The following KCNQ5 variants were observed in gnomAD, a reference collection of about 807,000 sequenced individuals.
KCNQ5 encodes the protein potassium voltage-gated channel subfamily KQT member 5.
Under a neutral mutation model 98.2 loss-of-function variants are expected in KCNQ5, and 30 were observed. That is an observed-to-expected ratio of 0.31 (90% CI 0.23 to 0.41). The LOEUF is 0.41. Among genes scored for constraint, KCNQ5 ranks in the 10% least tolerant of loss-of-function variants. KCNQ5 has a pLI of 1.00. For missense variants in KCNQ5, 835 were observed against 1,182.5 expected (o/e 0.71, Z 4.31); for synonymous variants, 458 against 449.4 (o/e 1.02, Z -0.24).
rs546496353 is a variant in KCNQ5, at chr6:73,013,446, T to C, written c.489+9448T>C. On this transcript the variant is annotated intron_variant, in intron 2 of 13. Transcript: ENST00000370398. ...TCAAGAACGTGTATGAAACTGTGTGTCCACATTCCAGGGACAGTTAAAAGC... is the reference window on the plus strand; with the variant it reads ...TCAAGAACGTGTATGAAACTGTGTGCCCACATTCCAGGGACAGTTAAAAGC... Among the ~76,000 whole-genome samples the C allele has an allele frequency of 3.9e-5, 6 of 152,256 alleles. No homozygotes were observed. The East Asian group carries it at 1.2e-3, about 29-fold the overall frequency.
chr6:73,024,808 A>ATCC (rs1232938707), intron 2 of KCNQ5, among the ~76,000 whole-genome samples: 2 of 152,250 alleles, frequency 1.3e-5, no homozygotes, highest in African/African-American at 4.8e-5. Context: ...ACGACATTCA[A>ATCC]GTTGTATGAA....
At chr6:73,174,491 T>C (rs1778140197) in intron 11 of KCNQ5, among the ~76,000 whole-genome samples, 1 of 152,244 alleles carries the variant, frequency 6.6e-6, no homozygotes, top group South Asian at 2.1e-4. Context: ...TTTCACTTTA[T>C]GAAACCTTTT....
chr6:72,765,338 G>C (rs1400667710), intron 1 of KCNQ5, among the ~76,000 whole-genome samples: 1 of 151,896 alleles, frequency 6.6e-6, no homozygotes, highest in Non-Finnish European at 1.5e-5. Flanking sequence ...GGAGGGAGAA[G>C]AAATACAAGC....
At chr6:72,948,648 C>G (rs923974662) in intron 1 of KCNQ5, among the ~76,000 whole-genome samples, 1 of 151,820 alleles carries the variant, frequency 6.6e-6, no homozygotes, top group Non-Finnish European at 1.5e-5. Context: ...AAAAATTTTC[C>G]TTAAGTTATT....
chr6:72,811,103 G>A (rs1302878741), intron 1 of KCNQ5, among the ~76,000 whole-genome samples: 4 of 152,214 alleles, frequency 2.6e-5, no homozygotes, highest in African/African-American at 9.6e-5. Flanking sequence ...TCGCCTGGTG[G>A]CTCCAAAATG....
Position 73,086,081 on chromosome 6 carries a change from C to A in KCNQ5, c.918+8194C>A, listed in dbSNP as rs115664946. On this transcript the variant is annotated intron_variant, in intron 5 of 13. Transcript: ENST00000370398. ...TCTCAAGGAATTCTTTTGAGAATTC[C>A]ATATTAATACTGCTGATGACATTAG... Among the ~76,000 whole-genome samples the A allele has an allele frequency of 6.2e-3, 947 of 152,106 alleles. 5 individuals carry two copies. Among genetic ancestry groups the A allele is most frequent in the African/African-American group, 0.021 (884 of 41,506 alleles).
At chr6:72,631,159 A>G (rs1421125568) in intron 1 of KCNQ5, among the ~76,000 whole-genome samples, 4 of 152,218 alleles carry the variant, frequency 2.6e-5, no homozygotes, top group Non-Finnish European at 4.4e-5. Context: ...ACTGAAATCA[A>G]TAGAGGTGGA....
intron 1 of KCNQ5, among the ~76,000 whole-genome samples, chr6:72,827,964 A>G (rs1582368938): frequency 6.6e-6 from 1 of 152,142 alleles, no homozygotes; most frequent in South Asian, 2.1e-4. Context: ...CAGTTTTCCC[A>G]GCAGCATTTA....
At chr6:72,778,278 T>C (rs1773264305) in intron 1 of KCNQ5, among the ~76,000 whole-genome samples, 1 of 152,216 alleles carries the variant, frequency 6.6e-6, no homozygotes, top group Non-Finnish European at 1.5e-5. Context: ...GGCTCACGCC[T>C]CTAATCCCAG....
chr6:73,059,728 G>T (rs540100447), intron 3 of KCNQ5, among the ~76,000 whole-genome samples: 1 of 151,780 alleles, frequency 6.6e-6, no homozygotes, highest in Non-Finnish European at 1.5e-5. Flanking sequence ...AGAAGTTAAC[G>T]AAATGTATAT....
intron 1 of KCNQ5, among the ~76,000 whole-genome samples, chr6:72,735,209 A>T (rs1203718433): frequency 6.6e-6 from 1 of 152,220 alleles, no homozygotes. Flanking sequence ...ATTTAAGCTT[A>T]AAACTAGCAG....
chr6:72,974,355 T>C (rs1429066384), intron 1 of KCNQ5, among the ~76,000 whole-genome samples: 2 of 148,352 alleles, frequency 1.3e-5, no homozygotes, highest in African/African-American at 5.1e-5. Context: ...TCTCTTCCCT[T>C]CCTCTCCTAC....
At chr6:73,029,109 G>T (rs866393513) in intron 2 of KCNQ5, among the ~76,000 whole-genome samples, 1 of 152,190 alleles carries the variant, frequency 6.6e-6, no homozygotes, top group Non-Finnish European at 1.5e-5. Flanking sequence ...TTGATGATGT[G>T]AGCAGAGGTG....
rs569473946 is a variant in KCNQ5 at position 73,127,419 on chromosome 6, T to C, written c.1247+2907T>C. Among the ~76,000 whole-genome samples the C allele has an allele frequency of 5.9e-5, 9 of 152,332 alleles. No homozygotes were observed. The South Asian group carries it at 1.9e-3, about 32-fold the overall frequency. ...GAGCTTGGAATCTCCTAAGTCCTTC[T>C]TCATGGTTTTTCTTTGTGTTACAAA... On this transcript the variant is annotated intron_variant, in intron 9 of 13. Coordinates refer to ENST00000370398, the MANE Select transcript of KCNQ5 (RefSeq NM_019842.4).
chr6:72,723,927 T>C (rs1448968367), intron 1 of KCNQ5, among the ~76,000 whole-genome samples: 1 of 152,228 alleles, frequency 6.6e-6, no homozygotes, highest in Non-Finnish European at 1.5e-5. Flanking sequence ...TGAGCTACTA[T>C]GCTAAAAGTA....
intron 1 of KCNQ5, among the ~76,000 whole-genome samples, chr6:72,931,659 T>G (rs191386988): frequency 6.6e-6 from 1 of 152,160 alleles, no homozygotes; most frequent in South Asian, 2.1e-4. Flanking sequence ...AACTAGTGGC[T>G]CCAGGCACCT....
At chr6:73,025,623 C>CAAAAAAAAAAAAAAA (rs58607159) in intron 2 of KCNQ5, among the ~76,000 whole-genome samples, 81 of 52,984 alleles carry the variant, frequency 1.5e-3, no homozygotes, top group Middle Eastern at 9.6e-3. Flanking sequence ...AACTCCATCT[C>CAAAAAAAAAAAAAAA]AAAAAAAAAA....
intron 2 of KCNQ5, among the ~76,000 whole-genome samples, chr6:73,015,164 G>A (rs1770267633): frequency 6.6e-6 from 1 of 152,088 alleles, no homozygotes; most frequent in Admixed American, 6.6e-5. Flanking sequence ...AATGAGCAAT[G>A]CTTCTTTAGA....
chr6:72,879,735 A>T (rs1211419764), intron 1 of KCNQ5, among the ~76,000 whole-genome samples: 2 of 152,106 alleles, frequency 1.3e-5, no homozygotes, highest in Non-Finnish European at 2.9e-5. Context: ...TCAGGTCTTT[A>T]AATCATTTGG....
Sources: allele counts gnomAD v4.1 joint callset (sites outside exome capture counted in the v4.1 genomes callset), GRCh38; gene constraint gnomAD v4.1.1; transcripts MANE v1.5; gene names NCBI Gene and HGNC (gene_info 2026-07-23, HGNC 2026-07-21).